The following PRRG1 variants were observed in gnomAD, a reference collection of about 807,000 sequenced individuals.
The protein encoded by PRRG1 is transmembrane gamma-carboxyglutamic acid protein 1.
PRRG1 carries 5 observed loss-of-function variants against 11.8 expected under a neutral mutation model. That is an observed-to-expected ratio of 0.42 (90% CI 0.22 to 0.89). PRRG1 has a LOEUF of 0.89. Ranked by LOEUF, PRRG1 falls within the 40% of genes least tolerant of loss-of-function variation. The pLI is 0.28. For synonymous variants in PRRG1, 66 were observed against 60.4 expected, an observed-to-expected ratio of 1.09 and a Z score of -0.43; for missense variants, 155 against 166.1, an observed-to-expected ratio of 0.93 and a Z score of 0.37.
At chrX:37,399,157 GC>G (rs1457601382) in intron 1 of PRRG1, among the ~76,000 whole-genome samples, 1 of 110,817 alleles carries the variant, frequency 9.0e-6, no homozygotes, top group Non-Finnish European at 1.9e-5. Context: ...CTCGAGAAGA[GC>G]AACTCCAAGA....
chrX:37,453,239 T>C lies in PRRG1; in HGVS notation c.275T>C (p.Phe92Ser). The change falls in exon 4 of 4, where the codon TTC becomes TCC. Residue 92 changes from phenylalanine to serine, a missense_variant. Transcript: ENST00000378628. Reference sequence around the variant, plus strand: ...ACCTTTCCGTTAATCTTTGGCCTCTTCATTATCCTCCTTGTCATTTTCCTA... The same window carrying C: ...ACCTTTCCGTTAATCTTTGGCCTCTCCATTATCCTCCTTGTCATTTTCCTA... ...YLTFPLIFGL[F>S]IILLVIFLIW... is the part of the protein sequence containing the mutation. The C allele has an allele frequency of 8.3e-7, 1 of 1,210,841 alleles. No individual in the cohort carries two copies. The highest frequency in any genetic ancestry group is 1.1e-6 in the Non-Finnish European group (1 of 894,903).
intron 3 of PRRG1, among the ~76,000 whole-genome samples, chrX:37,445,938 T>A (rs935920798): frequency 3.6e-5 from 4 of 112,495 alleles, no homozygotes; most frequent in African/African-American, 1.3e-4. Context: ...TCCTACAAAG[T>A]CTAAAATATT....
rs1168925684 is a variant in PRRG1, at chrX:37,453,509, A to C, written c.545A>C (p.Gln182Pro). 2.5e-6 allele frequency: 3 copies of C among 1,208,936 alleles called. No homozygotes were observed. The African/African-American group carries it at 5.3e-5, about 21-fold the overall frequency. The stretch of plus-strand genomic sequence containing the variant: ...GAAGCCACTGGCCAAGTGAACCTGC[A>C]GAGGAGTGAAACAGAACCTCATTTA... ...YEEATGQVNL[Q>P]RSETEPHLDP... Residue 182 changes from glutamine to proline, a missense_variant, in exon 4 of 4, where the codon CAG becomes CCG. Gln to Pro is a moderately conservative substitution (Grantham distance 76). Coordinates refer to ENST00000378628, the MANE Select transcript of PRRG1 (RefSeq NM_001142395.2).
At chrX:37,385,642 C>T (rs1212550849) in intron 1 of PRRG1, among the ~76,000 whole-genome samples, 1 of 111,032 alleles carries the variant, frequency 9.0e-6, no homozygotes, top group Non-Finnish European at 1.9e-5. Context: ...CTAGGAGCAA[C>T]TCAGCTGGGT....
intron 2 of PRRG1, among the ~76,000 whole-genome samples, chrX:37,424,260 A>T (rs1932742406): frequency 9.0e-6 from 1 of 111,338 alleles, no homozygotes; most frequent in African/African-American, 3.3e-5. Context: ...GTTTCCAAGG[A>T]ACTCTCATTA....
chrX:37,383,185 A>G (rs1931208194), intron 1 of PRRG1, among the ~76,000 whole-genome samples: 1 of 112,041 alleles, frequency 8.9e-6, no homozygotes, highest in African/African-American at 3.2e-5. Context: ...TTTTAATTTT[A>G]TATTACAAAC....
chrX:37,414,262 T>C (rs781959793), intron 2 of PRRG1, among the ~76,000 whole-genome samples: 10 of 112,200 alleles, frequency 8.9e-5, no homozygotes, highest in Non-Finnish European at 1.9e-4. Context: ...TTTTACCAGA[T>C]GTACCTTTTT....
intron 3 of PRRG1, among the ~76,000 whole-genome samples, chrX:37,443,854 C>T (rs1933028593): frequency 1.8e-5 from 2 of 112,228 alleles, no homozygotes; most frequent in Non-Finnish European, 3.8e-5. Context: ...CTATTCTCTA[C>T]CTAAACAGAT....
intron 1 of PRRG1, among the ~76,000 whole-genome samples, chrX:37,357,459 T>A (rs1930274453): frequency 8.9e-6 from 1 of 112,097 alleles, no homozygotes; most frequent in Admixed American, 9.5e-5. Context: ...CCCCTCCCCA[T>A]CCATGGTTTC....
chrX:37,424,460 A>C (rs1404935967), intron 2 of PRRG1, among the ~76,000 whole-genome samples: 4 of 111,574 alleles, frequency 3.6e-5, no homozygotes, highest in Non-Finnish European at 7.5e-5. Flanking sequence ...GAAGTGTTAG[A>C]AAATTTTACT....
At chrX:37,418,645 T>G (rs1159175320) in intron 2 of PRRG1, among the ~76,000 whole-genome samples, 1 of 111,973 alleles carries the variant, frequency 8.9e-6, no homozygotes, top group Admixed American at 9.5e-5. Context: ...ATCCTGAACA[T>G]CATATAGCCC....
At chrX:37,396,264 A>G (rs984936807) in intron 1 of PRRG1, among the ~76,000 whole-genome samples, 3 of 112,407 alleles carry the variant, frequency 2.7e-5, no homozygotes, top group Non-Finnish European at 5.6e-5. Flanking sequence ...TGCCAATATG[A>G]CTTCCATATA....
intron 2 of PRRG1, among the ~76,000 whole-genome samples, chrX:37,407,983 C>T (rs993894816): frequency 2.7e-5 from 3 of 111,930 alleles, no homozygotes; most frequent in Non-Finnish European, 5.6e-5. Flanking sequence ...ATTGATTAGG[C>T]CTAGCTATTC....
chrX:37,366,748 T>G (rs1193815710), intron 1 of PRRG1, among the ~76,000 whole-genome samples: 1 of 111,845 alleles, frequency 8.9e-6, no homozygotes, highest in Non-Finnish European at 1.9e-5. Context: ...GGGATATTCC[T>G]TGAGCCTTCT....
chrX:37,393,649 A>G (rs999581635), intron 1 of PRRG1, among the ~76,000 whole-genome samples: 1 of 111,609 alleles, frequency 9.0e-6, no homozygotes, highest in Non-Finnish European at 1.9e-5. Context: ...GCTGAAATCA[A>G]ACTGAACTTC....
intron 3 of PRRG1, among the ~76,000 whole-genome samples, chrX:37,451,788 A>G (rs1049153361): frequency 2.7e-5 from 3 of 112,355 alleles, no homozygotes; most frequent in African/African-American, 6.5e-5. Flanking sequence ...TTAAAAAGCT[A>G]TATAACTAAG....
chrX:37,393,275 G>A (rs1271284233), intron 1 of PRRG1, among the ~76,000 whole-genome samples: 2 of 106,930 alleles, frequency 1.9e-5, no homozygotes, highest in African/African-American at 3.4e-5. Context: ...CTTTTATAAT[G>A]TATTTTATAT....
chrX:37,391,404 A>G (rs1343417486), intron 1 of PRRG1, among the ~76,000 whole-genome samples: 3 of 112,166 alleles, frequency 2.7e-5, no homozygotes, highest in Non-Finnish European at 5.6e-5. Context: ...AAAATCAACT[A>G]TTGGGAGAAA....
intron 3 of PRRG1, among the ~76,000 whole-genome samples, chrX:37,430,001 C>G (rs1932810145): frequency 8.9e-6 from 1 of 111,734 alleles, no homozygotes; most frequent in African/African-American, 3.3e-5. Context: ...AGACTGGCCC[C>G]CATGATTCAA....
Sources: allele counts gnomAD v4.1 joint callset (sites outside exome capture counted in the v4.1 genomes callset), GRCh38; gene constraint gnomAD v4.1.1; transcripts MANE v1.5; gene names NCBI Gene and HGNC (gene_info 2026-07-23, HGNC 2026-07-21).